Variants in KCNQ1 observed in about 807,000 individuals in gnomAD.
KCNQ1 encodes potassium voltage-gated channel subfamily KQT member 1.
KCNQ1 carries 49 observed loss-of-function variants against 72.4 expected under a neutral mutation model. That is an observed-to-expected ratio of 0.68 (90% CI 0.54 to 0.86). The LOEUF (loss-of-function observed/expected upper bound fraction) is 0.86. Among genes scored for constraint, KCNQ1 ranks in the 40% least tolerant of loss-of-function variants. The pLI is 0.00. For synonymous variants in KCNQ1, 450 were observed against 412.6 expected (o/e 1.09, Z -1.10); for missense variants, 790 against 945.1 (o/e 0.84, Z 2.15).
chr11:2,506,110 G>A (rs1044369523), intron 1 of KCNQ1, among the ~76,000 whole-genome samples: 7 of 152,174 alleles, frequency 4.6e-5, no homozygotes, highest in East Asian at 3.8e-4. Context: ...ACTGTTCACC[G>A]GAGCCTGTGC....
Position 2,776,966 on chromosome 11 carries a change from G to A in KCNQ1, c.1686-20G>A. 1 of 1,613,696 alleles carries A rather than the reference G, an allele frequency of 6.2e-7. No individual in the cohort carries two copies. The highest frequency in any genetic ancestry group is 1.1e-5 in the South Asian group (1 of 91,040). On this transcript the variant is annotated intron_variant, in intron 13 of 15. Coordinates refer to ENST00000155840, the MANE Select transcript of KCNQ1 (RefSeq NM_000218.3). The stretch of plus-strand genomic sequence containing the variant: ...GTGCCAGGGCCAGGTGTGAACTGGT[G>A]TCTGTGTCCTTCTCTCCAGGCTGGA...
intron 10 of KCNQ1, chr11:2,640,867 A>T: frequency 2.5e-6 from 1 of 399,302 alleles, no homozygotes. Flanking sequence ...CTATCCTTCT[A>T]CTCTCTACCT....
At chr11:2,552,298 G>T (rs1589946201) in intron 2 of KCNQ1, among the ~76,000 whole-genome samples, 1 of 152,172 alleles carries the variant, frequency 6.6e-6, no homozygotes, top group Non-Finnish European at 1.5e-5. Flanking sequence ...TATGGATGGA[G>T]GTTAAATCTT....
rs936431013 is a variant in KCNQ1, at chr11:2,682,083, C to T, written c.1514+20002C>T. The T allele has an allele frequency of 2.8e-5, 11 of 398,464 alleles. No homozygotes were observed. The highest frequency in any genetic ancestry group is 2.3e-4 in the African/African-American group (11 of 48,610). 24.7% of individuals were successfully genotyped at this position (398,464 alleles called of 1,614,324 possible). On this transcript the variant is annotated intron_variant, in intron 11 of 15. Coordinates refer to ENST00000155840, the MANE Select transcript of KCNQ1 (RefSeq NM_000218.3). This position sits in a 1 kb window ranked among gnomAD's most constrained non-coding sequence, Gnocchi z 5.8. The stretch of plus-strand genomic sequence containing the variant: ...AAGGGTTGAGGGATTGAGTCTAGGG[C>T]CCAGGGTCACAAAGCTAGGGAGCCG...
intron 1 of KCNQ1, among the ~76,000 whole-genome samples, chr11:2,459,836 C>T (rs1326690332): frequency 6.6e-6 from 1 of 152,042 alleles, no homozygotes; most frequent in African/African-American, 2.4e-5. Flanking sequence ...TCCCATGCAG[C>T]ACAGGTGGCC....
At position 2,477,021 on chromosome 11, in the gene KCNQ1, G is replaced by A. The variant is rs1442136259; in HGVS notation, c.386+31537G>A. 6.6e-6 allele frequency among the ~76,000 whole-genome samples: 1 copy of A among 152,184 alleles called. No individual in the cohort carries two copies. Among genetic ancestry groups the A allele is most frequent in the Admixed American group, 6.5e-5 (1 of 15,290 alleles). On this transcript the variant is annotated intron_variant, in intron 1 of 15. Coordinates refer to ENST00000155840, the MANE Select transcript of KCNQ1 (RefSeq NM_000218.3). The surrounding 1 kb of genome is among the most constrained non-coding windows in gnomAD (Gnocchi z 5.0). ...TAATGTGACAGTACTTTGTAAAATT[G>A]TACTCCAGTGAATTTGAAAAATGTT... is the stretch of plus-strand genomic sequence containing the variant.
Position 2,468,050 on chromosome 11 carries a change from A to G in KCNQ1, c.386+22566A>G, listed in dbSNP as rs180812557. On this transcript the variant is annotated intron_variant, in intron 1 of 15. Transcript: ENST00000155840. This position sits in a 1 kb window ranked among gnomAD's most constrained non-coding sequence, Gnocchi z 5.7. ...AAAATAGGGATAACAGCAGCTTCTT[A>G]AAGGGCTGTTAGCCACGTGCTTAGA... 1.3e-3 allele frequency among the ~76,000 whole-genome samples: 204 copies of G among 152,360 alleles called. No individual in the cohort carries two copies. Among genetic ancestry groups the G allele is most frequent in the African/African-American group, 4.7e-3 (197 of 41,588 alleles).
At position 2,516,257 on chromosome 11, in the gene KCNQ1, T is replaced by C. The variant is rs1275143388; in HGVS notation, c.387-11671T>C. On this transcript the variant is annotated intron_variant, in intron 1 of 15. Coordinates refer to ENST00000155840, the MANE Select transcript of KCNQ1 (RefSeq NM_000218.3). The surrounding 1 kb of genome is among the most constrained non-coding windows in gnomAD (Gnocchi z 7.0). ...AACCTCTCTGAGCTTCCTCCTCTCC[T>C]GTGAACAAAGGATGGGTCCACTTCT... Among the ~76,000 whole-genome samples, 1 of 152,104 alleles carries C rather than the reference T, an allele frequency of 6.6e-6. No homozygotes were observed. The highest frequency in any genetic ancestry group is 1.5e-5 in the Non-Finnish European group (1 of 68,010).
Position 2,645,565 on chromosome 11 carries a change from A to T in KCNQ1, c.1394-16396A>T. Reference sequence around the variant, plus strand: ...GGGATTGCTTTCAGTGGCAGCAGCTATAAACAGGCAGTTGGGCAATGCATG... The same window carrying T: ...GGGATTGCTTTCAGTGGCAGCAGCTTTAAACAGGCAGTTGGGCAATGCATG... On this transcript the variant is annotated intron_variant, in intron 10 of 15. Coordinates refer to ENST00000155840, the MANE Select transcript of KCNQ1 (RefSeq NM_000218.3). The surrounding 1 kb of genome is among the most constrained non-coding windows in gnomAD (Gnocchi z 5.8). 2.5e-6 allele frequency: 1 copy of T among 398,748 alleles called. No homozygotes were observed. The highest frequency in any genetic ancestry group is 4.4e-6 in the Non-Finnish European group (1 of 226,144). 24.7% of individuals were successfully genotyped at this position (398,748 alleles called of 1,614,324 possible).
At chr11:2,501,486 G>A (rs1847009211) in intron 1 of KCNQ1, among the ~76,000 whole-genome samples, 1 of 151,964 alleles carries the variant, frequency 6.6e-6, no homozygotes, top group Non-Finnish European at 1.5e-5. Context: ...AGGAAGAAAT[G>A]CAAACCTGAA....
In KCNQ1 at chr11:2,528,023, G is replaced by A. The variant is rs397508111; in HGVS notation, c.477+5G>A. On this transcript the variant is annotated splice_donor_5th_base_variant and intron_variant, in intron 2 of 15. Coordinates refer to ENST00000155840, the MANE Select transcript of KCNQ1 (RefSeq NM_000218.3). ...ACGGGGACTCTCTTCTGGATGGTAC[G>A]TAGCATCTGAGGGCATGGCTGGATG... 8.1e-6 allele frequency: 13 copies of A among 1,608,870 alleles called. No individual in the cohort carries two copies. The highest frequency in any genetic ancestry group is 1.3e-5 in the African/African-American group (1 of 74,812).
rs1846555386 is a variant in KCNQ1, at chr11:2,475,388, G to A, written c.386+29904G>A. ...CGTGCAGCTGTCTCTGCCTTTGGCTGTTGTGGCTAGAGGCTCCTTCCTGAA... is the reference window on the plus strand; with the variant it reads ...CGTGCAGCTGTCTCTGCCTTTGGCTATTGTGGCTAGAGGCTCCTTCCTGAA... On this transcript the variant is annotated intron_variant, in intron 1 of 15. Transcript: ENST00000155840. This position sits in a 1 kb window ranked among gnomAD's most constrained non-coding sequence, Gnocchi z 5.8. 6.6e-6 allele frequency among the ~76,000 whole-genome samples: 1 copy of A among 152,176 alleles called. No homozygotes were observed. The highest frequency in any genetic ancestry group is 1.5e-5 in the Non-Finnish European group (1 of 68,044).
chr11:2,838,653 G>A (rs1848135801), intron 15 of KCNQ1, among the ~76,000 whole-genome samples: 1 of 152,184 alleles, frequency 6.6e-6, no homozygotes, highest in Non-Finnish European at 1.5e-5. Context: ...AGGGGAGGAT[G>A]TGGGGGCAGC....
chr11:2,722,957 T>C (rs1044969430), intron 11 of KCNQ1, among the ~76,000 whole-genome samples: 1 of 152,198 alleles, frequency 6.6e-6, no homozygotes, highest in African/African-American at 2.4e-5. Flanking sequence ...TGAAGGTCTT[T>C]GGGCACTGCA....
At chr11:2,514,543 AGGTGGCTCATGGGCGC>A (rs1259329577) in intron 1 of KCNQ1, among the ~76,000 whole-genome samples, 2 of 152,190 alleles carry the variant, frequency 1.3e-5, no homozygotes, top group African/African-American at 4.8e-5. Flanking sequence ...TGGCCGGGCG[AGGTGGCTCATGGGCGC>A]GGTGGCTCAC....
intron 11 of KCNQ1, among the ~76,000 whole-genome samples, chr11:2,714,593 G>C (rs1017245572): frequency 6.6e-6 from 1 of 152,194 alleles, no homozygotes; most frequent in African/African-American, 2.4e-5. Flanking sequence ...TGGGGTGTGG[G>C]GGGCGAGGCC....
intron 15 of KCNQ1, among the ~76,000 whole-genome samples, chr11:2,842,000 G>A (rs1848224217): frequency 6.6e-6 from 1 of 152,240 alleles, no homozygotes; most frequent in African/African-American, 2.4e-5. Flanking sequence ...TGGTTGCGCT[G>A]TGCCGAGGAC....
rs572775767 is a variant in KCNQ1, at chr11:2,571,940, G to C, written c.684-73G>C. On this transcript the variant is annotated intron_variant, in intron 4 of 15. Coordinates refer to ENST00000155840, the MANE Select transcript of KCNQ1 (RefSeq NM_000218.3). ...CAGGGGCAGGGACACCCATGCCATC[G>C]GCCAGCCCTAGGCCCGGCGTGAACA... The C allele has an allele frequency of 2.3e-6, 3 of 1,318,520 alleles. No individual in the cohort carries two copies. In the East Asian group the frequency reaches 7.2e-5, roughly 32 times the overall value. 81.7% of individuals were successfully genotyped at this position (1,318,520 alleles called of 1,614,324 possible). A position where few individuals can be genotyped will look rare whatever the true frequency, so the allele number is the denominator to read the frequency against.
intron 11 of KCNQ1, among the ~76,000 whole-genome samples, chr11:2,758,679 G>C (rs1414498168): frequency 6.6e-6 from 1 of 152,220 alleles, no homozygotes; most frequent in African/African-American, 2.4e-5. Flanking sequence ...CAGGGGAACA[G>C]GCAAACAGTG....
Sources: gnomAD v4.1 joint callset for allele counts (sites outside exome capture counted in the v4.1 genomes callset) on GRCh38, gnomAD v4.1.1 for gene constraint, Gnocchi (gnomAD v3.1) non-coding constraint, MANE v1.5 for transcripts, NCBI Gene and HGNC (gene_info 2026-07-23, HGNC 2026-07-21) for gene names.